LPP: variants seen among roughly 807,000 people sequenced by gnomAD.
LPP encodes lipoma-preferred partner.
LPP carries 38 observed loss-of-function variants against 60.4 expected under a neutral mutation model. That is an observed-to-expected ratio of 0.63 (90% CI 0.49 to 0.83). The LOEUF is 0.83. Among genes scored for constraint, LPP ranks in the 40% least tolerant of loss-of-function variants. LPP has a pLI of 0.00. For missense variants in LPP, 902 were observed against 783.6 expected, an observed-to-expected ratio of 1.15 and a Z score of -1.80; for synonymous variants, 328 against 290.8, an observed-to-expected ratio of 1.13 and a Z score of -1.30.
At chr3:188,788,869 C>T (rs1742751744) in intron 9 of LPP, among the ~76,000 whole-genome samples, 2 of 152,160 alleles carry the variant, frequency 1.3e-5, no homozygotes, top group South Asian at 4.1e-4. Flanking sequence ...CCATTTTCTT[C>T]ATCTTTCCCA....
intron 9 of LPP, among the ~76,000 whole-genome samples, chr3:188,763,297 GC>G (rs1733023106): frequency 6.6e-6 from 1 of 151,492 alleles, no homozygotes; most frequent in Non-Finnish European, 1.5e-5. Context: ...CAAGATAGTG[GC>G]TTAATTATTT....
intron 3 of LPP, among the ~76,000 whole-genome samples, chr3:188,380,869 A>G (rs1476939484): frequency 6.6e-6 from 1 of 152,246 alleles, no homozygotes; most frequent in Non-Finnish European, 1.5e-5. Context: ...GTGTTATCTC[A>G]TTCAGTCTTT....
intron 7 of LPP, among the ~76,000 whole-genome samples, chr3:188,679,745 A>T (rs947422684): frequency 1.3e-5 from 2 of 152,166 alleles, no homozygotes; most frequent in Admixed American, 6.5e-5. Context: ...TTGGATAAAA[A>T]CCTTATTAAA....
chr3:188,320,103 C>T (rs1756490744), intron 2 of LPP, among the ~76,000 whole-genome samples: 1 of 152,208 alleles, frequency 6.6e-6, no homozygotes, highest in South Asian at 2.1e-4. Context: ...TGCTTCATAT[C>T]ACAGCGTACA....
chr3:188,295,003 C>T (rs538403856), intron 2 of LPP, among the ~76,000 whole-genome samples: 1 of 152,282 alleles, frequency 6.6e-6, no homozygotes, highest in South Asian at 2.1e-4. Context: ...ACAGCTTTTC[C>T]CATCCTCCAT....
chr3:188,291,940 C>G lies in LPP; in HGVS notation c.-66-49723C>G, dbSNP rs546096389. ...TTTGATTGTAAGGAGGTAATTCTTA[C>G]CAAGTACTGTCAGATTATATAGAGT... On this transcript the variant is annotated intron_variant, in intron 2 of 11. Coordinates refer to ENST00000617246, the MANE Select transcript of LPP (RefSeq NM_001375462.1). Among the ~76,000 whole-genome samples the G allele has an allele frequency of 7.9e-5, 12 of 152,198 alleles. No homozygotes were observed. In the South Asian group the frequency reaches 2.3e-3, roughly 29 times the overall value.
intron 6 of LPP, among the ~76,000 whole-genome samples, chr3:188,541,080 A>G (rs886817137): frequency 2.6e-5 from 4 of 152,244 alleles, no homozygotes; most frequent in Non-Finnish European, 5.9e-5. Context: ...TGCAAAAATT[A>G]TGACTCATAG....
intron 9 of LPP, among the ~76,000 whole-genome samples, chr3:188,805,156 C>T (rs1748696366): frequency 6.6e-6 from 1 of 151,854 alleles, no homozygotes; most frequent in South Asian, 2.1e-4. Context: ...CTGTGGTTTT[C>T]TTTTTTGGTA....
chr3:188,320,082 A>G (rs997657921), intron 2 of LPP, among the ~76,000 whole-genome samples: 8 of 152,240 alleles, frequency 5.3e-5, no homozygotes, highest in African/African-American at 1.7e-4. Context: ...GAGGTGAAGT[A>G]CGCTTCTCAT....
At chr3:188,606,903 A>G (rs561882838) in intron 6 of LPP, among the ~76,000 whole-genome samples, 1 of 152,148 alleles carries the variant, frequency 6.6e-6, no homozygotes, top group Non-Finnish European at 1.5e-5. Context: ...TACAAACCCA[A>G]CTATAAATGG....
chr3:188,540,598 C>T (rs1308904720), intron 6 of LPP, among the ~76,000 whole-genome samples: 3 of 152,078 alleles, frequency 2.0e-5, no homozygotes, highest in Admixed American at 1.3e-4. Context: ...ACATTTTGTG[C>T]CTCAGTTCTT....
At chr3:188,627,882 G>T (rs766768394) in intron 7 of LPP, among the ~76,000 whole-genome samples, 8 of 151,996 alleles carry the variant, frequency 5.3e-5, no homozygotes, top group Non-Finnish European at 1.0e-4. Flanking sequence ...AATTCTCAAA[G>T]AATTCAAAAT....
At chr3:188,203,804 T>TG (rs1229237056) in intron 1 of LPP, among the ~76,000 whole-genome samples, 4 of 150,790 alleles carry the variant, frequency 2.7e-5, no homozygotes, top group African/African-American at 9.8e-5. Flanking sequence ...ACACCCACTT[T>TG]GGGGGAAGAG....
chr3:188,601,778 C>T (rs1841222420), intron 6 of LPP, among the ~76,000 whole-genome samples: 2 of 152,038 alleles, frequency 1.3e-5, no homozygotes, highest in South Asian at 2.1e-4. Flanking sequence ...GTTTATATAT[C>T]GCACTCTTGG....
At chr3:188,759,455 T>G (rs551255513) in intron 8 of LPP, 1 of 152,476 alleles carries the variant, frequency 6.6e-6, no homozygotes, top group East Asian at 1.9e-4. Context: ...GGATGTCAAG[T>G]CCAAGAGAGA....
chr3:188,245,718 T>C (rs1401675612), intron 2 of LPP, among the ~76,000 whole-genome samples: 1 of 152,114 alleles, frequency 6.6e-6, no homozygotes, highest in Non-Finnish European at 1.5e-5. Context: ...ATTTATTTAT[T>C]TCTTTTGTAG....
intron 9 of LPP, among the ~76,000 whole-genome samples, chr3:188,861,419 A>G (rs1239523554): frequency 2.0e-5 from 3 of 152,234 alleles, no homozygotes; most frequent in African/African-American, 4.8e-5. Flanking sequence ...TAAAATGAAA[A>G]TGTTGTTAAC....
At chr3:188,426,883 G>C (rs756390023) in intron 4 of LPP, among the ~76,000 whole-genome samples, 8 of 152,176 alleles carry the variant, frequency 5.3e-5, no homozygotes, top group African/African-American at 7.2e-5. Context: ...ACAGCACACT[G>C]ATGGGTCTTG....
chr3:188,866,405 C>A, intron 10 of LPP, 27 bp downstream of exon 10: 1 of 1,407,582 alleles, frequency 7.1e-7, no homozygotes, highest in Non-Finnish European at 9.4e-7. Context: ...CTCGTCACCA[C>A]CCTGCCAGTC....
Sources: allele counts gnomAD v4.1 joint callset (sites outside exome capture counted in the v4.1 genomes callset), GRCh38; gene constraint gnomAD v4.1.1; transcripts MANE v1.5; gene names NCBI Gene and HGNC (gene_info 2026-07-23, HGNC 2026-07-21).